Variants in DPYD observed in about 807,000 individuals in gnomAD.
DPYD encodes the protein dihydropyrimidine dehydrogenase [NADP(+)].
In DPYD, 109 loss-of-function variants were observed where a neutral mutation model predicts 116.2. The observed-to-expected ratio is 0.94, with a 90% confidence interval of 0.80 to 1.10. The LOEUF is 1.10. DPYD is among the 50% of genes least tolerant of loss of function. DPYD has a pLI of 0.00. For synonymous variants in DPYD, 440 were observed against 432.0 expected (o/e 1.02, Z -0.23); for missense variants, 1,302 against 1,254.5 (o/e 1.04, Z -0.57).
intron 3 of DPYD, among the ~76,000 whole-genome samples, chr1:97,822,122 C>A (rs1668970939): frequency 6.6e-6 from 1 of 151,192 alleles, no homozygotes. Context: ...AAAAAATTAT[C>A]TTTACGCCAA....
intron 3 of DPYD, among the ~76,000 whole-genome samples, chr1:97,792,605 CAT>C (rs755114788): frequency 1.2e-4 from 19 of 152,280 alleles, no homozygotes; most frequent in Non-Finnish European, 1.9e-4. Context: ...ACTTTACACA[CAT>C]AGTTTTCTCA....
chr1:97,779,267 A>G (rs1666593565), intron 3 of DPYD, among the ~76,000 whole-genome samples: 1 of 150,964 alleles, frequency 6.6e-6, no homozygotes, highest in Non-Finnish European at 1.5e-5. Flanking sequence ...GTTATATTCA[A>G]GTATTTGCCC....
chr1:97,583,003 C>G (rs1226934550), intron 10 of DPYD, among the ~76,000 whole-genome samples: 1 of 152,260 alleles, frequency 6.6e-6, no homozygotes, highest in African/African-American at 2.4e-5. Context: ...GAGTCTGACT[C>G]TGTCGCCCAG....
chr1:97,758,648 AC>A (rs1377874825), intron 3 of DPYD, among the ~76,000 whole-genome samples: 3 of 152,172 alleles, frequency 2.0e-5, no homozygotes, highest in Non-Finnish European at 1.5e-5. Context: ...CAGCTTCTCC[AC>A]CCTGTAGTTC....
At chr1:97,486,007 T>G (rs1386822327) in intron 13 of DPYD, among the ~76,000 whole-genome samples, 1 of 152,210 alleles carries the variant, frequency 6.6e-6, no homozygotes, top group Non-Finnish European at 1.5e-5. Context: ...TGAAGTATGA[T>G]AAAACTACTA....
At chr1:97,133,370 T>C (rs1262593319) in intron 20 of DPYD, among the ~76,000 whole-genome samples, 3 of 152,152 alleles carry the variant, frequency 2.0e-5, no homozygotes, top group African/African-American at 7.2e-5. Context: ...CTTTTTTTAT[T>C]TGAAAAAATA....
chr1:97,322,475 T>G (rs2101111910), intron 16 of DPYD, among the ~76,000 whole-genome samples: 1 of 152,034 alleles, frequency 6.6e-6, no homozygotes, highest in East Asian at 2.0e-4. Context: ...TTGGTAGAAG[T>G]CTTTGGTGAT....
intron 13 of DPYD, among the ~76,000 whole-genome samples, chr1:97,492,096 C>CTATG (rs1448077716): frequency 6.6e-6 from 1 of 152,046 alleles, no homozygotes; most frequent in East Asian, 1.9e-4. Flanking sequence ...CATCTCATTG[C>CTATG]TATGTGATAT....
chr1:97,359,661 T>C (rs1275186495), intron 16 of DPYD, among the ~76,000 whole-genome samples: 2 of 152,176 alleles, frequency 1.3e-5, no homozygotes. Flanking sequence ...TATACAACAT[T>C]CTTAAAGAAA....
At chr1:97,706,844 G>A (rs920938464) in intron 5 of DPYD, among the ~76,000 whole-genome samples, 2 of 152,008 alleles carry the variant, frequency 1.3e-5, no homozygotes, top group African/African-American at 4.8e-5. Context: ...GCATGTTAAC[G>A]TAAGTTTTCA....
At chr1:97,700,376 C>G in intron 5 of DPYD, 1 of 429,714 alleles carries the variant, frequency 2.3e-6, no homozygotes, top group Non-Finnish European at 4.6e-6. Context: ...AAGATCTAAA[C>G]AGAAAACCCT....
chr1:97,801,324 G>A (rs74105461), intron 3 of DPYD, among the ~76,000 whole-genome samples: 3,922 of 151,828 alleles, frequency 0.026, 168 homozygotes, highest in African/African-American at 0.086. Context: ...GCAAATGTTC[G>A]TTGTTTAAGC....
At chr1:97,845,324 C>A (rs1486673602) in intron 2 of DPYD, among the ~76,000 whole-genome samples, 1 of 152,164 alleles carries the variant, frequency 6.6e-6, no homozygotes, top group African/African-American at 2.4e-5. Context: ...GAAGCCCATA[C>A]AAACTCTGGA....
At chr1:97,537,831 G>C (rs1004167750) in intron 12 of DPYD, among the ~76,000 whole-genome samples, 1 of 152,174 alleles carries the variant, frequency 6.6e-6, no homozygotes, top group Non-Finnish European at 1.5e-5. Context: ...TGGAAGACAT[G>C]AATGATGTAA....
chr1:97,562,999 G>A (rs146244937), intron 11 of DPYD, among the ~76,000 whole-genome samples: 11,278 of 152,160 alleles, frequency 0.074, 586 homozygotes, highest in Non-Finnish European at 0.11. Context: ...GATTACAGGC[G>A]TGAGCCACCA....
chr1:97,176,924 C>G (rs535365952), intron 20 of DPYD, among the ~76,000 whole-genome samples: 1 of 135,850 alleles, frequency 7.4e-6, no homozygotes, highest in Non-Finnish European at 1.6e-5. Context: ...AAGATTAACT[C>G]TAAGAAGTTT....
intron 16 of DPYD, among the ~76,000 whole-genome samples, chr1:97,310,026 C>G (rs141468031): frequency 1.3e-5 from 2 of 151,782 alleles, no homozygotes; most frequent in East Asian, 3.9e-4. Context: ...CAGAATGAGA[C>G]TGAGAATTTC....
chr1:97,111,327 G>T (rs1333860849), intron 20 of DPYD, among the ~76,000 whole-genome samples: 1 of 151,988 alleles, frequency 6.6e-6, no homozygotes, highest in African/African-American at 2.4e-5. Flanking sequence ...AATAAAATTG[G>T]AAAACATCAC....
intron 14 of DPYD, among the ~76,000 whole-genome samples, chr1:97,393,483 C>A (rs905148606): frequency 6.6e-6 from 1 of 151,830 alleles, no homozygotes; most frequent in Admixed American, 6.6e-5. Context: ...GTGATGTTCC[C>A]TACCTTGTGT....
Sources: allele counts gnomAD v4.1 joint callset (sites outside exome capture counted in the v4.1 genomes callset), GRCh38; gene constraint gnomAD v4.1.1; transcripts MANE v1.5; gene names NCBI Gene and HGNC (gene_info 2026-07-23, HGNC 2026-07-21).